CTTN: variants seen among roughly 807,000 people sequenced by gnomAD.
CTTN encodes cortactin, also known as src substrate cortactin.
In CTTN, 28 loss-of-function variants were observed where a neutral mutation model predicts 84.0. The ratio of observed to expected loss-of-function variants is 0.33; its 90% CI spans 0.25 to 0.46. CTTN has a LOEUF of 0.46. CTTN is among the 20% of genes least tolerant of loss of function. The pLI is 1.00. For missense variants in CTTN, 641 were observed against 723.8 expected, an observed-to-expected ratio of 0.89 and a Z score of 1.31; for synonymous variants, 301 against 288.8, an observed-to-expected ratio of 1.04 and a Z score of -0.43.
Position 70,399,767 on chromosome 11 carries a change from C to A in CTTN, c.-98+1153C>A, listed in dbSNP as rs146374275. 1.1e-3 allele frequency among the ~76,000 whole-genome samples: 165 copies of A among 152,282 alleles called. 1 individual carries two copies. The highest frequency in any genetic ancestry group is 3.7e-3 in the African/African-American group (153 of 41,566). ...GGAATTCATTTTCTGCTGAAGGAAG[C>A]TCCGGAGGCATCCGGTGAGCGCTCC... On this transcript the variant is annotated intron_variant, in intron 1 of 17. Coordinates refer to ENST00000301843, the MANE Select transcript of CTTN (RefSeq NM_005231.4).
intron 8 of CTTN, among the ~76,000 whole-genome samples, chr11:70,417,372 T>C (rs1476565717): frequency 6.6e-6 from 1 of 152,154 alleles, no homozygotes; most frequent in East Asian, 1.9e-4. Context: ...TATTTATTTA[T>C]TTATTTTTGG....
intron 1 of CTTN, among the ~76,000 whole-genome samples, chr11:70,401,106 A>C (rs1481730495): frequency 2.0e-5 from 3 of 152,012 alleles, no homozygotes; most frequent in African/African-American, 7.2e-5. Context: ...GGCTAAGGGC[A>C]GGTGGATTGC....
intron 13 of CTTN, among the ~76,000 whole-genome samples, chr11:70,427,359 AAAT>A (rs1464818299): frequency 6.6e-6 from 1 of 152,286 alleles, no homozygotes; most frequent in Admixed American, 6.5e-5. Flanking sequence ...CAAAAAATAA[AAAT>A]AATAATATAA....
intron 15 of CTTN, among the ~76,000 whole-genome samples, chr11:70,431,888 AGC>A (rs1481078502): frequency 6.6e-6 from 1 of 152,018 alleles, no homozygotes; most frequent in Non-Finnish European, 1.5e-5. Flanking sequence ...GCTCCCCGCC[AGC>A]ACCTCTGCGC....
At chr11:70,417,403 G>A (rs546853418) in intron 8 of CTTN, among the ~76,000 whole-genome samples, 4 of 151,870 alleles carry the variant, frequency 2.6e-5, no homozygotes, top group African/African-American at 9.7e-5. Flanking sequence ...GTCTTGCCGT[G>A]TTGCCCGGAC....
intron 15 of CTTN, among the ~76,000 whole-genome samples, chr11:70,431,872 T>C (rs1302694755): frequency 6.6e-6 from 1 of 152,036 alleles, no homozygotes; most frequent in Non-Finnish European, 1.5e-5. Flanking sequence ...TGACTTTGGG[T>C]CTCCTGCTCC....
rs559004598 is a variant in CTTN, at chr11:70,420,017, C to T, written c.679+161C>T. On this transcript the variant is annotated intron_variant, in intron 9 of 17. Transcript: ENST00000301843. ...GAAAACGGCACATCCAGAAACACAGCTGCTAAATAGGAACTCGCAGCTTGA... is the reference window on the plus strand; with the variant it reads ...GAAAACGGCACATCCAGAAACACAGTTGCTAAATAGGAACTCGCAGCTTGA... The T allele has an allele frequency of 7.6e-4, 487 of 640,354 alleles. 1 individual carries two copies. The highest frequency in any genetic ancestry group is 2.8e-3 in the Middle Eastern group (11 of 3,864). The allele number at this position is 640,354 out of a possible 1,614,324, so 39.7% of individuals were successfully genotyped here. A position where few individuals can be genotyped will look rare whatever the true frequency, so the allele number is the denominator to read the frequency against.
At chr11:70,432,333 C>T (rs548309792) in intron 15 of CTTN, among the ~76,000 whole-genome samples, 81 of 152,212 alleles carry the variant, frequency 5.3e-4, no homozygotes, top group Non-Finnish European at 1.0e-3. Flanking sequence ...GGTGCCTGTG[C>T]TGAGGGTGGA....
chr11:70,423,109 G>C (rs373976752), intron 12 of CTTN, 114 bp downstream of exon 12: 3 of 1,276,506 alleles, frequency 2.4e-6, no homozygotes, highest in East Asian at 2.4e-5. Flanking sequence ...AGTGATTTCC[G>C]TCGTGGTGGT....
chr11:70,423,394 G>T (rs545280965), intron 12 of CTTN, among the ~76,000 whole-genome samples: 1 of 152,234 alleles, frequency 6.6e-6, no homozygotes, highest in East Asian at 1.9e-4. Flanking sequence ...CCAGCGCTGC[G>T]TGTGCGGTGA....
intron 14 of CTTN, among the ~76,000 whole-genome samples, chr11:70,429,477 T>C (rs1173990054): frequency 6.6e-6 from 1 of 152,214 alleles, no homozygotes; most frequent in African/African-American, 2.4e-5. Context: ...CCTCTGTCCC[T>C]GAGCTGACGG....
intron 11 of CTTN, chr11:70,422,149 G>T: frequency 3.2e-6 from 1 of 308,586 alleles, no homozygotes; most frequent in Non-Finnish European, 6.5e-6. Flanking sequence ...TCCACACAGA[G>T]CCACACAGTA....
chr11:70,427,327 C>T (rs908205965), intron 13 of CTTN, among the ~76,000 whole-genome samples: 5 of 152,114 alleles, frequency 3.3e-5, no homozygotes, highest in Admixed American at 2.6e-4. Context: ...CCAGCCTGGG[C>T]GACAACAGCT....
chr11:70,400,865 A>T (rs1186529454), intron 1 of CTTN, among the ~76,000 whole-genome samples: 2 of 152,224 alleles, frequency 1.3e-5, no homozygotes, highest in Non-Finnish European at 2.9e-5. Flanking sequence ...TGCTTTGAGT[A>T]AACGGAGTAA....
At chr11:70,421,436 G>A (rs1315106011) in intron 10 of CTTN, 34 bp from the exon 11 acceptor site, 2 of 1,457,796 alleles carry the variant, frequency 1.4e-6, no homozygotes, top group Non-Finnish European at 1.9e-6. Flanking sequence ...TCCTCTTTTG[G>A]TTGTTTTCCC....
In CTTN at chr11:70,420,414, T is replaced by C. The variant is rs2058218485; in HGVS notation, c.694T>C (p.Phe232Leu). 6.2e-7 allele frequency: 1 copy of C among 1,613,676 alleles called. No homozygotes were observed. Among genetic ancestry groups the C allele is most frequent in the African/African-American group, 1.3e-5 (1 of 74,866 alleles). ...HESQKDYVKG[F>L]GGKFGVQTDR... is the part of the protein sequence containing the mutation. ...TGTGCATGTAGACTATGTGAAAGGG[T>C]TTGGAGGAAAATTTGGTGTGCAGAC... The change falls in exon 10 of 18, where the codon TTT (phenylalanine) becomes CTT (leucine). Residue 232 changes from phenylalanine to leucine, a missense_variant. Coordinates refer to ENST00000301843, the MANE Select transcript of CTTN (RefSeq NM_005231.4).
At chr11:70,400,266 C>T (rs983424924) in intron 1 of CTTN, among the ~76,000 whole-genome samples, 6 of 152,058 alleles carry the variant, frequency 3.9e-5, no homozygotes, top group African/African-American at 1.4e-4. Flanking sequence ...GCCAGGAGTT[C>T]CAGACTAGCC....
intron 15 of CTTN, 28 bp downstream of exon 15, chr11:70,431,308 G>T (rs768423704): frequency 1.2e-6 from 2 of 1,606,446 alleles, no homozygotes; most frequent in South Asian, 2.2e-5. Flanking sequence ...TTGAATGAGC[G>T]TGAGTGACTT....
Position 70,413,394 on chromosome 11 carries a change from C to A in CTTN, c.292-1148C>A, listed in dbSNP as rs537508307. Among the ~76,000 whole-genome samples, 68 of 152,332 alleles carry A rather than the reference C, an allele frequency of 4.5e-4. 1 individual carries two copies. Among genetic ancestry groups the A allele is most frequent in the Admixed American group, 4.1e-3 (62 of 15,302 alleles). On this transcript the variant is annotated intron_variant, in intron 5 of 17. Coordinates refer to ENST00000301843, the MANE Select transcript of CTTN (RefSeq NM_005231.4). ...AGGAGGGAGCCTCAGAACCCTGGGGCCTCGGTGTCAGGACTGGAGCAGGGC... is the reference window on the plus strand; with the variant it reads ...AGGAGGGAGCCTCAGAACCCTGGGGACTCGGTGTCAGGACTGGAGCAGGGC...
Sources: allele counts gnomAD v4.1 joint callset (sites outside exome capture counted in the v4.1 genomes callset), GRCh38; gene constraint gnomAD v4.1.1; transcripts MANE v1.5; gene names NCBI Gene and HGNC (gene_info 2026-07-23, HGNC 2026-07-21).